Variants in DCAF13 observed in about 807,000 individuals in gnomAD.
DCAF13 encodes the protein DDB1 and CUL4 associated factor 13.
In DCAF13, 38 loss-of-function variants were observed where a neutral mutation model predicts 59.0. The observed-to-expected ratio is 0.64, with a 90% CI of 0.50 to 0.84. The LOEUF (loss-of-function observed/expected upper bound fraction) is 0.84, where lower values mean the gene tolerates loss of function less well. Ranked by LOEUF, DCAF13 falls within the 40% of genes least tolerant of loss-of-function variation. DCAF13 has a pLI of 0.00. For synonymous variants in DCAF13, 173 were observed against 175.0 expected (o/e 0.99, Z 0.09); for missense variants, 469 against 558.4 (o/e 0.84, Z 1.61).
chr8:103,436,039 G>A (rs1179845598), intron 8 of DCAF13, among the ~76,000 whole-genome samples: 3 of 152,018 alleles, frequency 2.0e-5, no homozygotes, highest in African/African-American at 7.2e-5. Flanking sequence ...GTAACACAGT[G>A]GTATTTGTTT....
At position 103,426,053 on chromosome 8, in the gene DCAF13, T is replaced by G; in HGVS notation, c.379-3T>G. 3 of 1,606,728 alleles carry G rather than the reference T, an allele frequency of 1.9e-6. No individual in the cohort carries two copies. The highest frequency in any genetic ancestry group is 1.7e-6 in the Non-Finnish European group (2 of 1,173,596). On this transcript the variant is annotated splice_polypyrimidine_tract_variant and splice_region_variant and intron_variant, in intron 3 of 10. Coordinates refer to ENST00000612750, the MANE Select transcript of DCAF13 (RefSeq NM_015420.7). ...ATCATCATAATAAAACAAATATTTC[T>G]AGGTTGGTGATGACAAAACTGTGAA...
At chr8:103,416,895 A>G (rs1045308859) in intron 1 of DCAF13, among the ~76,000 whole-genome samples, 6 of 152,256 alleles carry the variant, frequency 3.9e-5, no homozygotes, top group African/African-American at 1.4e-4. Context: ...TGTTGAAATT[A>G]TTAAAATGCT....
intron 7 of DCAF13, among the ~76,000 whole-genome samples, chr8:103,434,807 A>G (rs542975296): frequency 6.6e-6 from 1 of 152,214 alleles, no homozygotes; most frequent in Admixed American, 6.6e-5. Flanking sequence ...CTTGAAACTC[A>G]TGAAGTCATT....
At chr8:103,437,886 G>A (rs754276754) in intron 8 of DCAF13, among the ~76,000 whole-genome samples, 12 of 152,150 alleles carry the variant, frequency 7.9e-5, no homozygotes, top group Non-Finnish European at 1.6e-4. Flanking sequence ...GAGCAAACAA[G>A]TAAATTAATA....
rs189779932 is a variant in DCAF13 at position 103,430,368 on chromosome 8, G to C, written c.625-244G>C. On this transcript the variant is annotated intron_variant, in intron 5 of 10. Coordinates refer to ENST00000612750, the MANE Select transcript of DCAF13 (RefSeq NM_015420.7). ...GATTGCACCACTGCACTCCAGCCTG[G>C]GTGACAGAGCAAGACTCTGTCTCTA... The C allele has an allele frequency of 5.3e-5, 13 of 246,354 alleles. No homozygotes were observed. In the East Asian group the frequency reaches 1.2e-3, roughly 23 times the overall value. 15.3% of individuals were successfully genotyped at this position (246,354 alleles called of 1,614,324 possible).
chr8:103,418,127 C>CAA (rs201171043), intron 1 of DCAF13, among the ~76,000 whole-genome samples: 4 of 133,376 alleles, frequency 3.0e-5, no homozygotes, highest in Non-Finnish European at 3.2e-5. Flanking sequence ...GACTCCGTCT[C>CAA]AAAAAAAAAA....
intron 3 of DCAF13, among the ~76,000 whole-genome samples, chr8:103,423,272 C>T (rs968213820): frequency 6.6e-6 from 1 of 151,736 alleles, no homozygotes; most frequent in Non-Finnish European, 1.5e-5. Context: ...GCATTATTCA[C>T]AATACCCAGG....
intron 5 of DCAF13, chr8:103,427,514 A>G (rs1238928696): frequency 2.8e-5 from 12 of 434,362 alleles, no homozygotes; most frequent in East Asian, 2.2e-4. Flanking sequence ...ATCCAAGTAA[A>G]TATAGTCTTG....
rs1816596248 is a variant in DCAF13, at chr8:103,415,513, A to G, written c.67A>G (p.Arg23Gly). Reference protein sequence around the residue: ...YVRETKLDLQRVPRNYDPALH... With the variant: ...YVRETKLDLQGVPRNYDPALH... ...CCGCGAAACCAAGTTGGACTTACAG[A>G]GAGGTAAGATAAGTTGGTAGGGAGA... The change falls in exon 1 of 11, where the codon AGA becomes GGA. Residue 23 changes from arginine to glycine, a missense_variant. By Grantham distance (125) the Arg-to-Gly change is moderately radical (BLOSUM62 -2). Transcript: ENST00000612750. 4 of 1,608,234 alleles carry G rather than the reference A, an allele frequency of 2.5e-6. No homozygotes were observed. The highest frequency in any genetic ancestry group is 2.6e-6 in the Non-Finnish European group (3 of 1,176,272).
intron 7 of DCAF13, among the ~76,000 whole-genome samples, chr8:103,434,570 A>C (rs891534168): frequency 6.6e-6 from 1 of 152,026 alleles, no homozygotes; most frequent in South Asian, 2.1e-4. Context: ...TTTCTCCACT[A>C]AAGAGTTACT....
Position 103,441,551 on chromosome 8 carries a change from C to T in DCAF13, c.1183C>T (p.His395Tyr). 1 of 1,608,620 alleles carries T rather than the reference C, an allele frequency of 6.2e-7. No homozygotes were observed. The highest frequency in any genetic ancestry group is 1.1e-5 in the South Asian group (1 of 89,418). Residue 395 changes from histidine to tyrosine, a missense_variant, in exon 10 of 11, where the codon CAT becomes TAT. Physicochemically the swap from His to Tyr is moderately conservative, Grantham distance 83. Transcript: ENST00000612750. ...TATAAAACGTATAGCTCGTCATCGA[C>T]ATCTACCAAAATCTATCTATAGCCA... ...PHIKRIARHR[H>Y]LPKSIYSQIQ... is the part of the protein sequence containing the mutation.
At chr8:103,422,320 A>AG (rs1426793864) in intron 3 of DCAF13, among the ~76,000 whole-genome samples, 1 of 152,226 alleles carries the variant, frequency 6.6e-6, no homozygotes, top group Non-Finnish European at 1.5e-5. Context: ...GAGGGAGGTC[A>AG]GAGCTGAACT....
intron 9 of DCAF13, 24 bp downstream of exon 9, chr8:103,440,295 T>C (rs753949477): frequency 2.6e-6 from 4 of 1,543,192 alleles, no homozygotes; most frequent in Non-Finnish European, 3.5e-6. Context: ...TTTTCTTTCA[T>C]TGTCATAAAG....
At chr8:103,433,544 A>G (rs1816893861) in intron 7 of DCAF13, among the ~76,000 whole-genome samples, 1 of 151,914 alleles carries the variant, frequency 6.6e-6, no homozygotes, top group Admixed American at 6.6e-5. Context: ...AGATCTTTGT[A>G]TTGTTTTATG....
chr8:103,415,651 CTT>C lies in DCAF13; in HGVS notation c.70+137_70+138del, dbSNP rs1816599665. Reference sequence around the variant, plus strand: ...CTCAGTTACCTTTCGCTAAGGCAAACTTTGTGCTTACGGAGTCGCTGCGGAAC... The same window carrying C: ...CTCAGTTACCTTTCGCTAAGGCAAACTGTGCTTACGGAGTCGCTGCGGAAC... On this transcript the variant is annotated intron_variant, in intron 1 of 10. Transcript: ENST00000612750. 6 of 836,864 alleles carry C rather than the reference CTT, an allele frequency of 7.2e-6. No homozygotes were observed. The South Asian group carries it at 7.2e-5, about 10-fold the overall frequency. The allele number at this position is 836,864 out of a possible 1,614,324, so 51.8% of individuals were successfully genotyped here. A position where few individuals can be genotyped will look rare whatever the true frequency, so the allele number is the denominator to read the frequency against.
intron 3 of DCAF13, chr8:103,421,285 T>C: frequency 3.0e-6 from 2 of 663,166 alleles, no homozygotes; most frequent in South Asian, 3.2e-5. Flanking sequence ...ATTAAACTAA[T>C]ATTCAATTTA....
At chr8:103,425,906 G>A (rs1488691489) in intron 3 of DCAF13, 150 bp from the exon 4 acceptor site, 2 of 564,724 alleles carry the variant, frequency 3.5e-6, no homozygotes, top group South Asian at 2.3e-5. Context: ...ACTAAAACAA[G>A]GTGGGATATA....
chr8:103,416,803 C>T (rs1193012916), intron 1 of DCAF13, among the ~76,000 whole-genome samples: 3 of 152,192 alleles, frequency 2.0e-5, no homozygotes, highest in Non-Finnish European at 2.9e-5. Context: ...ATGTCAGTTT[C>T]TCCATCTATA....
At chr8:103,441,906 C>T (rs1375742806) in intron 10 of DCAF13, 13 of 303,758 alleles carry the variant, frequency 4.3e-5, no homozygotes, top group African/African-American at 2.9e-4. Context: ...GCTAGGACTA[C>T]AGGCACGCGC....
Sources: allele counts gnomAD v4.1 joint callset (sites outside exome capture counted in the v4.1 genomes callset), GRCh38; gene constraint gnomAD v4.1.1; transcripts MANE v1.5; gene names NCBI Gene and HGNC (gene_info 2026-07-23, HGNC 2026-07-21).